PDHX: variants seen among roughly 807,000 people sequenced by gnomAD.
PDHX encodes the protein pyruvate dehydrogenase protein X component, mitochondrial.
In PDHX, 33 loss-of-function variants were observed where a neutral mutation model predicts 55.3. The ratio of observed to expected loss-of-function variants is 0.60; its 90% CI spans 0.45 to 0.80. The LOEUF is 0.80. PDHX is among the 30% of genes least tolerant of loss of function. The pLI, the probability that PDHX is intolerant of heterozygous loss-of-function variation, is 0.00. For synonymous variants in PDHX, 226 were observed against 219.4 expected, an observed-to-expected ratio of 1.03 and a Z score of -0.27; for missense variants, 622 against 619.9, an observed-to-expected ratio of 1.00 and a Z score of -0.04.
At chr11:34,920,333 CTG>C (rs1403166609) in intron 1 of PDHX, among the ~76,000 whole-genome samples, 8 of 152,030 alleles carry the variant, frequency 5.3e-5, no homozygotes, top group African/African-American at 1.9e-4. Context: ...AGAAAAGTAA[CTG>C]AGGTTCAATC....
At chr11:34,968,633 T>C (rs1244004126) in intron 6 of PDHX, among the ~76,000 whole-genome samples, 1 of 152,226 alleles carries the variant, frequency 6.6e-6, no homozygotes, top group Non-Finnish European at 1.5e-5. Flanking sequence ...ACTCATGTTA[T>C]TTTTAAAAAT....
chr11:34,955,498 G>A (rs539773184), intron 3 of PDHX, among the ~76,000 whole-genome samples: 2 of 152,166 alleles, frequency 1.3e-5, no homozygotes, highest in South Asian at 2.1e-4. Context: ...CAAGTTGTAT[G>A]GTTGTATATC....
At position 34,947,497 on chromosome 11, in the gene PDHX, G is replaced by T. The variant is rs755786859; in HGVS notation, c.242-9G>T. On this transcript the variant is annotated splice_polypyrimidine_tract_variant and intron_variant, in intron 2 of 10. Coordinates refer to ENST00000227868, the MANE Select transcript of PDHX (RefSeq NM_003477.3). ...TAAAAAACAAAACAAACCCAGTCTT[G>T]TTTTGTAGGTGAAGCGGTGAGTGCT... The T allele has an allele frequency of 1.3e-6, 2 of 1,599,302 alleles. No individual in the cohort carries two copies. The highest frequency in any genetic ancestry group is 2.2e-5 in the East Asian group (1 of 44,752).
At chr11:34,952,117 A>T (rs1006747221) in intron 3 of PDHX, among the ~76,000 whole-genome samples, 5 of 151,984 alleles carry the variant, frequency 3.3e-5, no homozygotes, top group Non-Finnish European at 7.3e-5. Context: ...TCCTCGACAC[A>T]TACACTCTCC....
intron 1 of PDHX, among the ~76,000 whole-genome samples, chr11:34,920,009 GA>G (rs1280214533): frequency 1.3e-5 from 2 of 152,224 alleles, no homozygotes; most frequent in Non-Finnish European, 2.9e-5. Context: ...AGTAAGCTCA[GA>G]GGGGGTAAGT....
chr11:34,946,301 T>C (rs560336342), intron 2 of PDHX, among the ~76,000 whole-genome samples: 11 of 152,320 alleles, frequency 7.2e-5, no homozygotes, highest in African/African-American at 2.6e-4. Context: ...TTTAATTTCT[T>C]GTTCTTGTGA....
chr11:34,970,325 T>A, intron 7 of PDHX, 39 bp downstream of exon 7: 1 of 1,484,046 alleles, frequency 6.7e-7, no homozygotes, highest in Non-Finnish European at 9.4e-7. Flanking sequence ...AAACACATGC[T>A]AACTTAACTT....
intron 3 of PDHX, among the ~76,000 whole-genome samples, chr11:34,951,151 G>C (rs2133966488): frequency 6.7e-6 from 1 of 149,962 alleles, no homozygotes; most frequent in South Asian, 2.1e-4. Context: ...CCGCCTCCCG[G>C]GTTCACGCCA....
At chr11:34,937,642 A>G in intron 2 of PDHX, among the ~76,000 whole-genome samples, 1 of 152,164 alleles carries the variant, frequency 6.6e-6, no homozygotes, top group Non-Finnish European at 1.5e-5. Flanking sequence ...AGTCATCAGC[A>G]TGTGGATGGA....
intron 5 of PDHX, among the ~76,000 whole-genome samples, chr11:34,964,724 A>AT (rs2133979106): frequency 6.6e-6 from 1 of 152,312 alleles, no homozygotes; most frequent in African/African-American, 2.4e-5. Context: ...ATAAAACTAA[A>AT]CTGCTTTTTA....
chr11:34,951,011 A>G (rs189579270), intron 3 of PDHX, among the ~76,000 whole-genome samples: 3,482 of 111,582 alleles, frequency 0.031, 77 homozygotes, highest in South Asian at 0.1. Flanking sequence ...AAGTATTCCT[A>G]TTTCTCCACA....
At chr11:34,926,501 T>C (rs1235191394) in intron 1 of PDHX, among the ~76,000 whole-genome samples, 4 of 152,176 alleles carry the variant, frequency 2.6e-5, no homozygotes, top group South Asian at 2.1e-4. Flanking sequence ...GGATTATAAA[T>C]GAACTAGAGC....
chr11:34,977,855 T>G (rs1327447842), intron 7 of PDHX: 7 of 516,200 alleles, frequency 1.4e-5, no homozygotes, highest in Non-Finnish European at 2.6e-5. Context: ...GTCCTTCAGG[T>G]TCTTGTGTAT....
intron 8 of PDHX, among the ~76,000 whole-genome samples, chr11:34,981,806 GA>G (rs1331387030): frequency 6.6e-6 from 1 of 152,174 alleles, no homozygotes; most frequent in African/African-American, 2.4e-5. Flanking sequence ...CTTCTTTTGA[GA>G]AGTGTCTGTT....
chr11:34,992,714 A>C (rs947858678), intron 10 of PDHX, among the ~76,000 whole-genome samples: 1 of 152,288 alleles, frequency 6.6e-6, no homozygotes, highest in Admixed American at 6.5e-5. Flanking sequence ...TTATTATTGC[A>C]GCATATAATA....
rs746686673 is a variant in PDHX, at chr11:34,931,497, CT to C, written c.241+15del. ...CTGAAAAAGGAAGGTGAGGAGGTAC[CT>C]TCCTAATGTCCTGTGTGCTTTGTTA... On this transcript the variant is annotated intron_variant, in intron 2 of 10. Coordinates refer to ENST00000227868, the MANE Select transcript of PDHX (RefSeq NM_003477.3). The C allele has an allele frequency of 6.1e-6, 9 of 1,468,926 alleles. No homozygotes were observed. The South Asian group carries it at 6.9e-5, about 11-fold the overall frequency. The allele number at this position is 1,468,926 out of a possible 1,614,324, so 91.0% of individuals were successfully genotyped here.
intron 9 of PDHX, among the ~76,000 whole-genome samples, chr11:34,988,170 T>C (rs562009995): frequency 3.2e-4 from 48 of 152,290 alleles, no homozygotes; most frequent in African/African-American, 1.1e-3. Context: ...GTATTTGTAA[T>C]CCTCTTGTTT....
chr11:34,973,169 T>C (rs1278197815), intron 7 of PDHX, among the ~76,000 whole-genome samples: 1 of 152,190 alleles, frequency 6.6e-6, no homozygotes, highest in Non-Finnish European at 1.5e-5. Flanking sequence ...ACAGACCAGT[T>C]ATTATGTCAT....
chr11:34,991,906 CAAAAAA>C (rs1169109545), intron 9 of PDHX, among the ~76,000 whole-genome samples: 2 of 37,314 alleles, frequency 5.4e-5, no homozygotes, highest in Admixed American at 2.9e-4. Context: ...TGAGACTTCT[CAAAAAA>C]AAAAAAAAAA....
Sources: allele counts gnomAD v4.1 joint callset (sites outside exome capture counted in the v4.1 genomes callset), GRCh38; gene constraint gnomAD v4.1.1; transcripts MANE v1.5; gene names NCBI Gene and HGNC (gene_info 2026-07-23, HGNC 2026-07-21).